ZNF808: variants seen among roughly 807,000 people sequenced by gnomAD.
The protein encoded by ZNF808 is zinc finger protein 808.
A neutral mutation model predicts 8.7 loss-of-function variants in ZNF808; 5 were observed. That is an observed-to-expected ratio of 0.58 (90% confidence interval 0.30 to 1.21). The LOEUF is 1.21. Ranked by LOEUF, ZNF808 falls within the 50% of genes most tolerant of loss-of-function variation. ZNF808 has a pLI of 0.07. For missense variants in ZNF808, 1,103 were observed against 1,098.4 expected, an observed-to-expected ratio of 1.00 and a Z score of -0.06; for synonymous variants, 380 against 366.0, an observed-to-expected ratio of 1.04 and a Z score of -0.44.
At chr19:52,547,741 T>C in intron 4 of ZNF808, 103 bp downstream of exon 4, 2 of 581,244 alleles carry the variant, frequency 3.4e-6, no homozygotes, top group Non-Finnish European at 4.4e-6. Flanking sequence ...CCATGCTGGT[T>C]TTTTTTTTTT....
At chr19:52,543,844 A>ATTT (rs33909825) in intron 3 of ZNF808, among the ~76,000 whole-genome samples, 1 of 147,374 alleles carries the variant, frequency 6.8e-6, no homozygotes, top group Non-Finnish European at 1.5e-5. Context: ...CTGTGTCCAA[A>ATTT]TTTTTTTTTT....
At chr19:52,535,330 CAAAAAAAAAAAAA>C (rs560559835) in intron 2 of ZNF808, among the ~76,000 whole-genome samples, 10 of 70,138 alleles carry the variant, frequency 1.4e-4, no homozygotes, top group South Asian at 5.1e-4. Context: ...GACTCCGTCT[CAAAAAAAAAAAAA>C]AAAAAAAAAA....
chr19:52,537,305 T>C lies in ZNF808; in HGVS notation c.-20+4296T>C, dbSNP rs1187402758. ...GAGGGGTACAAAATGAGGAGCACAA[T>C]CCCAGGGAAAAAGAAAAGAAAACAA... On this transcript the variant is annotated intron_variant, in intron 2 of 4. Transcript: ENST00000359798. 2.0e-5 allele frequency among the ~76,000 whole-genome samples: 3 copies of C among 150,636 alleles called. No homozygotes were observed. The East Asian group carries it at 5.9e-4, about 29-fold the overall frequency.
At chr19:52,551,447 T>C (rs1038466558) in intron 4 of ZNF808, among the ~76,000 whole-genome samples, 1 of 152,150 alleles carries the variant, frequency 6.6e-6, no homozygotes, top group Non-Finnish European at 1.5e-5. Context: ...TAAAATGTTG[T>C]ATATTTTCTT....
chr19:52,543,955 T>C (rs1035548681), intron 3 of ZNF808, among the ~76,000 whole-genome samples: 1 of 151,972 alleles, frequency 6.6e-6, no homozygotes, highest in Non-Finnish European at 1.5e-5. Context: ...GGTCAGGACT[T>C]AGAGACCAGC....
chr19:52,540,676 C>T (rs2059661793), intron 2 of ZNF808, among the ~76,000 whole-genome samples: 1 of 152,086 alleles, frequency 6.6e-6, no homozygotes, highest in Non-Finnish European at 1.5e-5. Context: ...ATAATATTCT[C>T]TACAGATGTT....
In ZNF808 at chr19:52,554,667, G is replaced by T; in HGVS notation, c.1751G>T (p.Arg584Leu). Residue 584 changes from arginine to leucine, a missense_variant, in exon 5 of 5, where the codon CGT (arginine) becomes CTT (leucine). By Grantham distance (102) the Arg-to-Leu change is moderately radical (BLOSUM62 -2). Transcript: ENST00000359798. ...KAFNQQSHLS[R>L]HRRLHTGEKP... ...TTTAATCAACAATCACATCTTTCAC[G>T]TCATCGTAGACTTCATACTGGAGAG... is the stretch of plus-strand genomic sequence containing the variant. The T allele has an allele frequency of 6.2e-7, 1 of 1,614,004 alleles. No homozygotes were observed. The highest frequency in any genetic ancestry group is 8.5e-7 in the Non-Finnish European group (1 of 1,179,992).
downstream of ZNF808, among the ~76,000 whole-genome samples, chr19:52,564,778 A>G (rs962215290): frequency 1.3e-5 from 2 of 152,056 alleles, no homozygotes; most frequent in Non-Finnish European, 2.9e-5. Flanking sequence ...ACATGGAGAA[A>G]CTGTCTGTAT....
downstream of ZNF808, among the ~76,000 whole-genome samples, chr19:52,567,949 C>G (rs2059876894): frequency 6.6e-6 from 1 of 152,204 alleles, no homozygotes; most frequent in African/African-American, 2.4e-5. Context: ...ACCTGTAAGT[C>G]AGTAGGAAAT....
chr19:52,545,091 C>T (rs2059708557), intron 3 of ZNF808, among the ~76,000 whole-genome samples: 1 of 152,188 alleles, frequency 6.6e-6, no homozygotes, highest in South Asian at 2.1e-4. Flanking sequence ...CTAAAGTCTG[C>T]ACTTTTAATG....
chr19:52,545,747 T>C (rs1468688639), intron 3 of ZNF808, among the ~76,000 whole-genome samples: 1 of 151,768 alleles, frequency 6.6e-6, no homozygotes, highest in African/African-American at 2.4e-5. Context: ...GCCACTGTAT[T>C]CCAGCCTGTG....
At chr19:52,561,468 C>T (rs1438707042) in intron 3 of ZNF808, among the ~76,000 whole-genome samples, 1 of 151,758 alleles carries the variant, frequency 6.6e-6, no homozygotes, top group Non-Finnish European at 1.5e-5. Flanking sequence ...CCTCACTTAG[C>T]GTATGTGCAA....
downstream of ZNF808, among the ~76,000 whole-genome samples, chr19:52,566,127 G>C (rs1029311615): frequency 6.6e-6 from 1 of 152,022 alleles, no homozygotes; most frequent in African/African-American, 2.4e-5. Flanking sequence ...TGGGATTAGA[G>C]TCCATTTGTG....
downstream of ZNF808, among the ~76,000 whole-genome samples, chr19:52,561,022 T>C (rs1438390533): frequency 2.6e-5 from 4 of 152,154 alleles, no homozygotes; most frequent in Admixed American, 6.6e-5. Flanking sequence ...AGGAGGCCGC[T>C]TAAATCAGTG....
rs897103993 is a variant in ZNF808 at position 52,555,657 on chromosome 19, A to G, written c.*29A>G. 1.9e-6 allele frequency: 3 copies of G among 1,577,708 alleles called. No homozygotes were observed. The highest frequency in any genetic ancestry group is 1.4e-5 in the African/African-American group (1 of 73,904). ...AATGATTGTCACAAAGTCTTCAGTA[A>G]CACTACAACAATTGCAAATCATTGG... On this transcript the variant is annotated 3_prime_UTR_variant, in exon 5 of 5. Transcript: ENST00000359798.
downstream of ZNF808, among the ~76,000 whole-genome samples, chr19:52,559,738 C>CT (rs1223195495): frequency 6.6e-6 from 1 of 151,794 alleles, no homozygotes; most frequent in Admixed American, 6.6e-5. Context: ...TTATTTTTTT[C>CT]TTTTTTTGAG....
downstream of ZNF808, among the ~76,000 whole-genome samples, chr19:52,558,016 G>A (rs574919938): frequency 2.7e-5 from 2 of 74,338 alleles, no homozygotes; most frequent in African/African-American, 5.0e-5. Context: ...TCTAGGTGTG[G>A]CTTTTTTTTT....
At chr19:52,548,862 A>T (rs140987029) in intron 4 of ZNF808, among the ~76,000 whole-genome samples, 2,685 of 152,252 alleles carry the variant, frequency 0.018, 72 homozygotes, top group African/African-American at 0.062. Flanking sequence ...TCACGCCTGT[A>T]ATCCCAGCAA....
chr19:52,543,086 G>A (rs547571988), intron 2 of ZNF808, among the ~76,000 whole-genome samples, 180 bp from the exon 3 acceptor site: 3 of 152,118 alleles, frequency 2.0e-5, no homozygotes, highest in East Asian at 3.9e-4. Flanking sequence ...TCTGAAGACC[G>A]GGGTCAAACA....
Sources: gnomAD v4.1 joint callset for allele counts (sites outside exome capture counted in the v4.1 genomes callset) on GRCh38, gnomAD v4.1.1 for gene constraint, MANE v1.5 for transcripts, NCBI Gene and HGNC (gene_info 2026-07-23, HGNC 2026-07-21) for gene names.